CGREF1: variants seen among roughly 807,000 people sequenced by gnomAD.
The protein encoded by CGREF1 is cell growth regulator with EF-hand domain 1.
In CGREF1, 16 loss-of-function variants were observed where a neutral mutation model predicts 17.4. The observed-to-expected ratio is 0.92, with a 90% confidence interval of 0.62 to 1.40. The LOEUF is 1.40. Among genes scored for constraint, CGREF1 ranks in the 40% most tolerant of loss-of-function variants. The pLI is 0.00. For missense variants in CGREF1, 296 were observed against 376.4 expected (o/e 0.79, Z 1.77); for synonymous variants, 142 against 154.6 (o/e 0.92, Z 0.61).
downstream of CGREF1, chr2:27,099,467 G>T: frequency 1.2e-6 from 2 of 1,614,104 alleles, no homozygotes; most frequent in Non-Finnish European, 1.7e-6. Context: ...GACGCCCTGG[G>T]CCCTGATGGC....
At chr2:27,104,649 C>T in intron 1 of CGREF1, 1 of 1,550,590 alleles carries the variant, frequency 6.4e-7, no homozygotes, top group East Asian at 2.4e-5. Context: ...CCACCCCACG[C>T]CCCATTCCCT....
At position 27,102,064 on chromosome 2, in the gene CGREF1, T is replaced by C. The variant is rs763042781; in HGVS notation, c.342+33A>G. 1.5e-5 allele frequency: 23 copies of C among 1,585,104 alleles called. No individual in the cohort carries two copies. The South Asian group carries it at 2.5e-4, about 17-fold the overall frequency. ...CAAAGCCCCAAAGTGCTGGGTCTCC[T>C]TTATGCGGGGATCTCCATCCAGCAG... On this transcript the variant is annotated intron_variant, in intron 5 of 5. Transcript: ENST00000402394.
chr2:27,116,384 A>G (rs910229144), intron 1 of CGREF1, among the ~76,000 whole-genome samples: 1 of 151,678 alleles, frequency 6.6e-6, no homozygotes, highest in African/African-American at 2.4e-5. Context: ...AAAATTAGCC[A>G]GGCACAGTGG....
chr2:27,100,834 G>A lies in CGREF1; in HGVS notation c.*440C>T. 1 of 1,102,486 alleles carries A rather than the reference G, an allele frequency of 9.1e-7. No individual in the cohort carries two copies. The highest frequency in any genetic ancestry group is 1.1e-6 in the Non-Finnish European group (1 of 900,134). 68.3% of individuals were successfully genotyped at this position (1,102,486 alleles called of 1,614,324 possible). ...GGGTCACCTGCCCTGAGCTGCAGGA[G>A]AGCATGGGGTGTCTGAACACCAGGT... On this transcript the variant is annotated 3_prime_UTR_variant, in exon 6 of 6. Coordinates refer to ENST00000402394, the MANE Select transcript of CGREF1 (RefSeq NM_006569.6).
chr2:27,116,093 T>A (rs956356659), intron 1 of CGREF1, among the ~76,000 whole-genome samples: 3 of 151,208 alleles, frequency 2.0e-5, no homozygotes, highest in African/African-American at 7.3e-5. Context: ...GACAGCATGG[T>A]GGCTCAAATC....
chr2:27,099,737 A>AT (rs769459647), downstream of CGREF1: 3 of 1,614,026 alleles, frequency 1.9e-6, no homozygotes, highest in South Asian at 3.3e-5. Context: ...CAGGGCTTTG[A>AT]TGGCATCGTG....
At chr2:27,109,885 C>CAAAAAAAAAAAA (rs55824603) in intron 1 of CGREF1, among the ~76,000 whole-genome samples, 1 of 65,822 alleles carries the variant, frequency 1.5e-5, no homozygotes, top group Non-Finnish European at 2.5e-5. Flanking sequence ...GACTCCGTCT[C>CAAAAAAAAAAAA]AAAAAAAAAA....
At chr2:27,100,069 C>T (rs145787446), downstream of CGREF1, 236 of 613,948 alleles carry the variant, frequency 3.8e-4, no homozygotes, top group East Asian at 5.4e-3. Context: ...TTAACCTCTC[C>T]GCCCAGGCCC....
intron 2 of CGREF1, chr2:27,103,059 G>A: frequency 1.0e-6 from 1 of 985,338 alleles, no homozygotes; most frequent in South Asian, 4.7e-5. Flanking sequence ...TCCAGGACAG[G>A]GTGTATCTGT....
At position 27,101,862 on chromosome 2, in the gene CGREF1, G is replaced by A. The variant is rs61750980; in HGVS notation, c.369C>T (p.Leu123=). The change falls in exon 6 of 6, where the codon CTC becomes CTT. Residue 123 remains leucine (L), a synonymous_variant. Transcript: ENST00000402394. ...CATCCCCATTCAGGTCCTGGGTCTC[G>A]AGCACTTTGTCCACTATCAAGATCA... ...NPVILIVDKV[L]ETQDLNGDGL... is the part of the protein sequence containing the mutation. 5.2e-4 allele frequency: 839 copies of A among 1,613,152 alleles called. 1 individual carries two copies. The African/African-American group carries it at 9.0e-3, about 17-fold the overall frequency.
chr2:27,103,124 A>G, intron 2 of CGREF1: 2 of 985,006 alleles, frequency 2.0e-6, no homozygotes, highest in Non-Finnish European at 2.4e-6. Flanking sequence ...TCAAGCTCCA[A>G]ATGTGCTCCC....
At chr2:27,118,047 G>A (rs916904205) in intron 1 of CGREF1, among the ~76,000 whole-genome samples, 1 of 152,092 alleles carries the variant, frequency 6.6e-6, no homozygotes, top group Non-Finnish European at 1.5e-5. Context: ...TGAGGATAAC[G>A]GTATCTGTCT....
At chr2:27,100,102 G>A (rs940934075), downstream of CGREF1, 5 of 577,352 alleles carry the variant, frequency 8.7e-6, no homozygotes, top group African/African-American at 9.4e-5. Context: ...GCCTGGGCTA[G>A]AGCAGCGAGA....
At chr2:27,102,029 T>C in intron 5 of CGREF1, 68 bp downstream of exon 5, 2 of 1,561,140 alleles carry the variant, frequency 1.3e-6, no homozygotes, top group Admixed American at 3.8e-5. Context: ...AGAGTTATGA[T>C]GAGAAAGACC....
chr2:27,116,894 T>C (rs1213297078), intron 1 of CGREF1, among the ~76,000 whole-genome samples: 26 of 119,664 alleles, frequency 2.2e-4, no homozygotes, highest in Non-Finnish European at 4.0e-4. Flanking sequence ...TCTCTCTCTC[T>C]CTCTCTCTCT....
At chr2:27,116,924 T>TCTCTCTCTCTCTCTCTCTCTCTC (rs1558467022) in intron 1 of CGREF1, among the ~76,000 whole-genome samples, 16 of 92,542 alleles carry the variant, frequency 1.7e-4, no homozygotes, top group Admixed American at 9.1e-4. Context: ...TCTCTCTCTC[T>TCTCTCTCTCTCTCTCTCTCTCTC]TTTTTTGAGA....
chr2:27,109,637 G>A (rs1215494697), intron 1 of CGREF1, among the ~76,000 whole-genome samples: 1 of 152,148 alleles, frequency 6.6e-6, no homozygotes, highest in Non-Finnish European at 1.5e-5. Flanking sequence ...TGTAATCCCA[G>A]CACTCTGGGA....
At chr2:27,107,619 C>T (rs145866279) in intron 1 of CGREF1, among the ~76,000 whole-genome samples, 534 of 150,900 alleles carry the variant, frequency 3.5e-3, no homozygotes, top group Non-Finnish European at 6.2e-3. Context: ...AGTTTTCCGG[C>T]CAGCAACAGT....
chr2:27,116,871 T>TTCTTTCTCACTCTC (rs1671586370), intron 1 of CGREF1, among the ~76,000 whole-genome samples: 1 of 33,680 alleles, frequency 3.0e-5, no homozygotes, highest in Non-Finnish European at 5.9e-5. Flanking sequence ...GCCAGGCCTA[T>TTCTTTCTCACTCTC]TCTCTCTCTC....
Sources: allele counts gnomAD v4.1 joint callset (sites outside exome capture counted in the v4.1 genomes callset), GRCh38; gene constraint gnomAD v4.1.1; transcripts MANE v1.5; gene names NCBI Gene and HGNC (gene_info 2026-07-23, HGNC 2026-07-21).